The following FSHR variants were observed in gnomAD, a reference collection of about 807,000 sequenced individuals.
FSHR encodes the protein follicle-stimulating hormone receptor.
FSHR carries 46 observed loss-of-function variants against 52.1 expected under a neutral mutation model. That is an observed-to-expected ratio of 0.88 (90% CI 0.70 to 1.13). The LOEUF is 1.13. FSHR is among the 50% of genes most tolerant of loss of function. The probability of loss-of-function intolerance (pLI) is 0.00; values close to 1 mark genes in which losing one functional copy is unlikely to be tolerated. For synonymous variants in FSHR, 399 were observed against 309.6 expected, an observed-to-expected ratio of 1.29 and a Z score of -3.03; for missense variants, 964 against 834.6, an observed-to-expected ratio of 1.16 and a Z score of -1.91.
intron 1 of FSHR, among the ~76,000 whole-genome samples, chr2:49,082,164 C>T (rs936514907): frequency 6.6e-6 from 1 of 152,138 alleles, no homozygotes; most frequent in African/African-American, 2.4e-5. Flanking sequence ...CTGAGAACAG[C>T]CAGACTGCCT....
intron 1 of FSHR, among the ~76,000 whole-genome samples, chr2:49,079,527 G>C (rs964499265): frequency 1.4e-4 from 21 of 152,038 alleles, no homozygotes; most frequent in Non-Finnish European, 2.5e-4. Context: ...AAAATATTAT[G>C]ATATCGACAG....
At chr2:49,122,055 C>A (rs1671835291) in intron 1 of FSHR, among the ~76,000 whole-genome samples, 1 of 152,192 alleles carries the variant, frequency 6.6e-6, no homozygotes, top group African/African-American at 2.4e-5. Flanking sequence ...AGAATCAGAG[C>A]CCTTGCTGTA....
In FSHR at chr2:48,963,500, C is replaced by A. The variant is rs1165642883; in HGVS notation, c.1321G>T (p.Gly441Cys). The change falls in exon 10 of 10, where the codon GGC becomes TGC. Residue 441 changes from glycine to cysteine, a missense_variant. Coordinates refer to ENST00000406846, the MANE Select transcript of FSHR (RefSeq NM_000145.4). ...NYAIDWQTGAGCDAAGFFTVF... is the reference protein window; with the variant it reads ...NYAIDWQTGACCDAAGFFTVF... ...GTGAAAAAGCCAGCAGCATCACAGC[C>A]TGCCCCAGTTTGCCAGTCAATGGCA... 2 of 1,614,076 alleles carry A rather than the reference C, an allele frequency of 1.2e-6. No individual in the cohort carries two copies. Among genetic ancestry groups the A allele is most frequent in the Non-Finnish European group, 1.7e-6 (2 of 1,180,020 alleles).
chr2:49,013,467 T>A (rs1443194244), intron 4 of FSHR, among the ~76,000 whole-genome samples: 12 of 125,342 alleles, frequency 9.6e-5, no homozygotes, highest in Admixed American at 5.7e-4. Context: ...TATATAAATA[T>A]ATATATATAT....
At chr2:49,107,314 A>G (rs1034945799) in intron 1 of FSHR, among the ~76,000 whole-genome samples, 11 of 151,710 alleles carry the variant, frequency 7.3e-5, no homozygotes, top group African/African-American at 2.2e-4. Context: ...TGTCTTCCAT[A>G]TGATCTCCTC....
chr2:49,125,435 T>C (rs1671962452), intron 1 of FSHR, among the ~76,000 whole-genome samples: 1 of 152,230 alleles, frequency 6.6e-6, no homozygotes, highest in African/African-American at 2.4e-5. Flanking sequence ...GGTTGAACAC[T>C]TGATCTAGCA....
chr2:49,041,033 A>G (rs533169557), intron 2 of FSHR, among the ~76,000 whole-genome samples: 3 of 152,352 alleles, frequency 2.0e-5, no homozygotes, highest in South Asian at 2.1e-4. Context: ...TTCAGAGTTT[A>G]AAGGCTTTGC....
At chr2:49,124,002 T>G (rs80251275) in intron 1 of FSHR, among the ~76,000 whole-genome samples, 1 of 151,992 alleles carries the variant, frequency 6.6e-6, no homozygotes, top group South Asian at 2.1e-4. Flanking sequence ...TTTTTTTTTT[T>G]GAGACGGAAT....
chr2:49,027,943 A>G (rs987222277), intron 2 of FSHR, among the ~76,000 whole-genome samples: 1 of 152,088 alleles, frequency 6.6e-6, no homozygotes, highest in African/African-American at 2.4e-5. Flanking sequence ...AAGGTAGTCA[A>G]TTTCTTTCTT....
intron 1 of FSHR, among the ~76,000 whole-genome samples, chr2:49,101,872 G>T (rs549953232): frequency 1.4e-4 from 21 of 152,218 alleles, no homozygotes; most frequent in African/African-American, 4.6e-4. Flanking sequence ...GTCCGAAGGT[G>T]GCACAGGGTA....
intron 1 of FSHR, among the ~76,000 whole-genome samples, chr2:49,124,080 A>G (rs1572775360): frequency 6.8e-6 from 1 of 147,588 alleles, no homozygotes; most frequent in Non-Finnish European, 1.5e-5. Flanking sequence ...CACCTCCTGC[A>G]CCTCCCGGGT....
intron 8 of FSHR, among the ~76,000 whole-genome samples, chr2:48,980,871 G>A (rs1043294581): frequency 3.9e-5 from 6 of 151,994 alleles, no homozygotes; most frequent in Admixed American, 2.0e-4. Flanking sequence ...CATTATTCTC[G>A]GGAGCAGATA....
intron 1 of FSHR, among the ~76,000 whole-genome samples, chr2:49,150,248 T>A (rs777984285): frequency 5.9e-5 from 9 of 152,032 alleles, no homozygotes; most frequent in Non-Finnish European, 1.2e-4. Context: ...CACATTTTCT[T>A]ACCCAGAAAG....
intron 9 of FSHR, among the ~76,000 whole-genome samples, chr2:48,966,983 C>G (rs1674503112): frequency 6.6e-6 from 1 of 152,096 alleles, no homozygotes; most frequent in South Asian, 2.1e-4. Flanking sequence ...GTTGGGAGAG[C>G]CTTGAGGCTA....
chr2:49,029,695 G>T (rs1164514537), intron 2 of FSHR, among the ~76,000 whole-genome samples: 1 of 152,182 alleles, frequency 6.6e-6, no homozygotes, highest in African/African-American at 2.4e-5. Flanking sequence ...AGGTCGTGCT[G>T]CTTACTATTA....
At chr2:48,980,293 G>A (rs6749398) in intron 8 of FSHR, among the ~76,000 whole-genome samples, 1,859 of 152,264 alleles carry the variant, frequency 0.012, 46 homozygotes, top group African/African-American at 0.043. Flanking sequence ...CTAATTCCAT[G>A]GATTTTCTGT....
At chr2:48,967,340 T>A (rs1674524160) in intron 9 of FSHR, among the ~76,000 whole-genome samples, 1 of 152,140 alleles carries the variant, frequency 6.6e-6, no homozygotes, top group Admixed American at 6.5e-5. Flanking sequence ...CTCAAGGAGT[T>A]ATTCCGCCTT....
intron 4 of FSHR, among the ~76,000 whole-genome samples, chr2:49,013,655 A>T: frequency 6.6e-6 from 1 of 151,364 alleles, no homozygotes. Flanking sequence ...CTGGGCAGTA[A>T]GTCAAAGCCT....
intron 1 of FSHR, among the ~76,000 whole-genome samples, chr2:49,078,881 A>G (rs1670054466): frequency 6.6e-6 from 1 of 152,138 alleles, no homozygotes; most frequent in Non-Finnish European, 1.5e-5. Flanking sequence ...AAGAATAGAG[A>G]AAGAAAAAGA....
Sources: allele counts gnomAD v4.1 joint callset (sites outside exome capture counted in the v4.1 genomes callset), GRCh38; gene constraint gnomAD v4.1.1; transcripts MANE v1.5; gene names NCBI Gene and HGNC (gene_info 2026-07-23, HGNC 2026-07-21).